The following CNTN5 variants were observed in gnomAD, a reference collection of about 807,000 sequenced individuals.
CNTN5 encodes contactin-5.
Under a neutral mutation model 129.1 loss-of-function variants are expected in CNTN5, and 77 were observed. That is an observed-to-expected ratio of 0.60 (90% CI 0.50 to 0.72). The LOEUF is 0.72. Among genes scored for constraint, CNTN5 ranks in the 30% least tolerant of loss-of-function variants. The probability of loss-of-function intolerance (pLI) is 0.00; values close to 1 mark genes in which losing one functional copy is unlikely to be tolerated. For missense variants in CNTN5, 1,478 were observed against 1,328.8 expected (o/e 1.11, Z -1.75); for synonymous variants, 509 against 465.6 (o/e 1.09, Z -1.20).
chr11:99,222,418 C>A (rs1591377900), intron 1 of CNTN5, among the ~76,000 whole-genome samples: 1 of 151,818 alleles, frequency 6.6e-6, no homozygotes, highest in Admixed American at 6.6e-5. Flanking sequence ...GTAATAGTGT[C>A]AAAAAACTCA....
At chr11:99,377,265 C>T (rs1940241212) in intron 2 of CNTN5, among the ~76,000 whole-genome samples, 2 of 151,818 alleles carry the variant, frequency 1.3e-5, no homozygotes, top group African/African-American at 4.8e-5. Flanking sequence ...ATTATAGTAT[C>T]TTTATATTTT....
intron 2 of CNTN5, among the ~76,000 whole-genome samples, chr11:99,483,689 C>T (rs138064316): frequency 3.3e-5 from 5 of 150,374 alleles, no homozygotes; most frequent in African/African-American, 1.2e-4. Flanking sequence ...TGTGGGGTTG[C>T]GGGGGTGTGC....
intron 13 of CNTN5, among the ~76,000 whole-genome samples, chr11:100,091,424 CTTTTT>C (rs60075209): frequency 2.1e-3 from 243 of 114,418 alleles, no homozygotes; most frequent in African/African-American, 7.8e-3. Context: ...TTTATTTATT[CTTTTT>C]TTTTTTTTTT....
chr11:100,255,640 T>C lies in CNTN5; in HGVS notation c.2006-120T>C. ...ACTTTTTGTTGTCAATTTTAATTAC[T>C]AAATTCATATTTCATTAAGGTGATT... On this transcript the variant is annotated intron_variant, in intron 16 of 24. Transcript: ENST00000524871. 5 of 842,092 alleles carry C rather than the reference T, an allele frequency of 5.9e-6. No homozygotes were observed. The South Asian group carries it at 1.1e-4, about 19-fold the overall frequency. The allele number at this position is 842,092 out of a possible 1,614,324, so 52.2% of individuals were successfully genotyped here.
chr11:99,623,070 T>C (rs1306543297), intron 3 of CNTN5, among the ~76,000 whole-genome samples: 1 of 152,144 alleles, frequency 6.6e-6, no homozygotes, highest in African/African-American at 2.4e-5. Flanking sequence ...TGTTCATTTT[T>C]TTAAGATTCA....
At chr11:100,001,792 C>G (rs191379705) in intron 8 of CNTN5, among the ~76,000 whole-genome samples, 26 of 152,226 alleles carry the variant, frequency 1.7e-4, no homozygotes, top group African/African-American at 6.0e-4. Flanking sequence ...TTAACAATTT[C>G]AATAATTATT....
At chr11:99,577,864 C>T (rs1949411760) in intron 3 of CNTN5, among the ~76,000 whole-genome samples, 1 of 151,502 alleles carries the variant, frequency 6.6e-6, no homozygotes, top group South Asian at 2.1e-4. Flanking sequence ...TTTTAGGGTA[C>T]ATGTGCACAA....
chr11:99,748,112 T>A (rs538951706), intron 3 of CNTN5, among the ~76,000 whole-genome samples: 1 of 152,262 alleles, frequency 6.6e-6, no homozygotes, highest in East Asian at 1.9e-4. Flanking sequence ...TTGAGTTTGC[T>A]AGTTTTTTTG....
rs556401947 is a variant in CNTN5 at position 100,035,560 on chromosome 11, T to C, written c.981-25652T>C. On this transcript the variant is annotated intron_variant, in intron 9 of 24. Transcript: ENST00000524871. ...GGAATCGCCACACTGACTTCCACAA[T>C]GGTTGAACTAGTTTACAGTCCCACC... is the stretch of plus-strand genomic sequence containing the variant. 2.8e-5 allele frequency among the ~76,000 whole-genome samples: 4 copies of C among 144,132 alleles called. No homozygotes were observed. In the South Asian group the frequency reaches 9.4e-4, roughly 34 times the overall value. 94.6% of individuals were successfully genotyped at this position (144,132 alleles called of 152,430 possible).
intron 1 of CNTN5, among the ~76,000 whole-genome samples, chr11:99,241,247 G>A (rs1591404692): frequency 6.6e-6 from 1 of 150,940 alleles, no homozygotes; most frequent in Non-Finnish European, 1.5e-5. Flanking sequence ...TAAAATGCCA[G>A]GCAATATTTG....
intron 2 of CNTN5, among the ~76,000 whole-genome samples, chr11:99,478,014 T>C (rs1331297034): frequency 6.6e-6 from 1 of 151,816 alleles, no homozygotes; most frequent in Non-Finnish European, 1.5e-5. Flanking sequence ...TCAAGAAAAA[T>C]TGTGAAGTTA....
intron 8 of CNTN5, among the ~76,000 whole-genome samples, chr11:99,969,414 A>G (rs1951187712): frequency 6.6e-6 from 1 of 152,152 alleles, no homozygotes; most frequent in African/African-American, 2.4e-5. Flanking sequence ...TGACTTTTGC[A>G]GTGGTGGCAA....
At chr11:99,053,325 A>C (rs962237986) in intron 1 of CNTN5, among the ~76,000 whole-genome samples, 1 of 152,142 alleles carries the variant, frequency 6.6e-6, no homozygotes, top group Middle Eastern at 3.4e-3. Flanking sequence ...ATAGGAAAGA[A>C]AAAAATAACA....
At chr11:99,938,810 A>T (rs913476634) in intron 7 of CNTN5, among the ~76,000 whole-genome samples, 2 of 152,176 alleles carry the variant, frequency 1.3e-5, no homozygotes, top group African/African-American at 4.8e-5. Context: ...AAATAGGGCA[A>T]CAAAGACTGA....
intron 3 of CNTN5, among the ~76,000 whole-genome samples, chr11:99,819,331 TCC>T (rs1946704350): frequency 9.9e-6 from 1 of 101,110 alleles, no homozygotes; most frequent in Non-Finnish European, 2.0e-5. Context: ...TCCCCTCCCC[TCC>T]CCTCCTTTCC....
intron 9 of CNTN5, among the ~76,000 whole-genome samples, chr11:100,022,123 C>T (rs1941189848): frequency 6.6e-6 from 1 of 152,164 alleles, no homozygotes; most frequent in African/African-American, 2.4e-5. Context: ...CAGAAACACC[C>T]AGATACACCC....
In CNTN5 at chr11:100,271,202, C is replaced by G. The variant is rs746168265; in HGVS notation, c.2275C>G (p.Pro759Ala). The G allele has an allele frequency of 6.8e-6, 11 of 1,611,506 alleles. No individual in the cohort carries two copies. Among genetic ancestry groups the G allele is most frequent in the Non-Finnish European group, 9.3e-6 (11 of 1,179,170 alleles). The change falls in exon 18 of 25, where the codon CCA (proline) becomes GCA (alanine). Residue 759 changes from proline (P) to alanine (A), a missense_variant. Coordinates refer to ENST00000524871, the MANE Select transcript of CNTN5 (RefSeq NM_014361.4). Reference sequence around the variant, plus strand: ...CACCAACCCTATTGGGACAGGAGATCCAAGCACCCCATCTCGAATGATCCG... The same window carrying G: ...CACCAACCCTATTGGGACAGGAGATGCAAGCACCCCATCTCGAATGATCCG... ...VATNPIGTGD[P>A]STPSRMIRTN...
intron 2 of CNTN5, among the ~76,000 whole-genome samples, chr11:99,328,512 T>G (rs1271942256): frequency 6.6e-6 from 1 of 152,144 alleles, no homozygotes; most frequent in Non-Finnish European, 1.5e-5. Flanking sequence ...ACATATAGTT[T>G]TTTGTGTTTT....
At chr11:99,217,568 C>G (rs2135691912) in intron 1 of CNTN5, among the ~76,000 whole-genome samples, 1 of 152,254 alleles carries the variant, frequency 6.6e-6, no homozygotes, top group South Asian at 2.1e-4. Context: ...TGCTATAGAT[C>G]CTCAGATGCA....
Sources: allele counts gnomAD v4.1 joint callset (sites outside exome capture counted in the v4.1 genomes callset), GRCh38; gene constraint gnomAD v4.1.1; transcripts MANE v1.5; gene names NCBI Gene and HGNC (gene_info 2026-07-23, HGNC 2026-07-21).